TENM3: variants seen among roughly 807,000 people sequenced by gnomAD.
TENM3 encodes teneurin-3.
In TENM3, 63 loss-of-function variants were observed where a neutral mutation model predicts 255.1. That is an observed-to-expected ratio of 0.25 (90% confidence interval 0.20 to 0.30). The LOEUF is 0.30. TENM3 is among the 10% of genes least tolerant of loss of function. The pLI is 1.00. For missense variants in TENM3, 2,929 were observed against 3,461.1 expected (o/e 0.85, Z 3.86); for synonymous variants, 1,306 against 1,322.3 (o/e 0.99, Z 0.27).
intron 22 of TENM3, among the ~76,000 whole-genome samples, chr4:182,758,349 G>A (rs1762880814): frequency 1.3e-5 from 2 of 152,144 alleles, no homozygotes; most frequent in African/African-American, 4.8e-5. Flanking sequence ...AGGGTGGGGG[G>A]AGGTGTCATT....
the TENM3 span, among the ~76,000 whole-genome samples, chr4:181,849,949 T>TCTCTCTCTCTCTCTCTCTCTCTCTCA: frequency 4.5e-5 from 3 of 65,964 alleles, no homozygotes; most frequent in African/African-American, 1.3e-4. Context: ...TCTCTCTCTC[T>TCTCTCTCTCTCTCTCTCTCTCTCTCA]CACACACACA....
the TENM3 span, among the ~76,000 whole-genome samples, chr4:181,982,985 A>C: frequency 1.3e-5 from 2 of 152,150 alleles, no homozygotes; most frequent in African/African-American, 4.8e-5. Flanking sequence ...ATTTGTTAAC[A>C]GTCTTTATTT....
At chr4:182,332,656 T>C (rs957750780) in intron 2 of TENM3, among the ~76,000 whole-genome samples, 10 of 147,140 alleles carry the variant, frequency 6.8e-5, no homozygotes, top group African/African-American at 2.3e-4. Context: ...ATCACGCCAC[T>C]GCACTCAAGC....
chr4:182,556,148 C>A (rs564643768), intron 3 of TENM3, among the ~76,000 whole-genome samples: 1 of 152,244 alleles, frequency 6.6e-6, no homozygotes, highest in Non-Finnish European at 1.5e-5. Flanking sequence ...CAACAACCTC[C>A]CACCTTCCTA....
intron 3 of TENM3, among the ~76,000 whole-genome samples, chr4:182,374,650 T>C (rs1247533646): frequency 6.6e-6 from 1 of 152,190 alleles, no homozygotes; most frequent in Non-Finnish European, 1.5e-5. Context: ...TTCCATCCAA[T>C]TCAAACGATT....
intron 3 of TENM3, among the ~76,000 whole-genome samples, chr4:182,545,215 C>T (rs1741312085): frequency 6.6e-6 from 1 of 152,134 alleles, no homozygotes; most frequent in South Asian, 2.1e-4. Flanking sequence ...GTTAAGACAA[C>T]ATACCAGTGT....
the TENM3 span, among the ~76,000 whole-genome samples, chr4:181,752,086 C>G: frequency 2.6e-5 from 4 of 152,148 alleles, no homozygotes; most frequent in Non-Finnish European, 5.9e-5. Flanking sequence ...AGCCTGGACT[C>G]ACATTCCTAA....
chr4:182,620,865 GC>G (rs1181993376), intron 4 of TENM3, among the ~76,000 whole-genome samples: 1 of 151,882 alleles, frequency 6.6e-6, no homozygotes, highest in Non-Finnish European at 1.5e-5. Context: ...AGTAGCTGGG[GC>G]TACAGGTGCA....
At chr4:182,069,602 G>A in the TENM3 span, among the ~76,000 whole-genome samples, 3 of 152,018 alleles carry the variant, frequency 2.0e-5, no homozygotes, top group African/African-American at 7.3e-5. Flanking sequence ...CTGCAGGTGT[G>A]TTATACACCA....
At chr4:181,663,072 G>C in the TENM3 span, among the ~76,000 whole-genome samples, 4 of 152,120 alleles carry the variant, frequency 2.6e-5, no homozygotes, top group Non-Finnish European at 5.9e-5. Context: ...TGTTATACTG[G>C]ACCAATTTCT....
chr4:181,864,900 A>G, the TENM3 span, among the ~76,000 whole-genome samples: 1 of 152,204 alleles, frequency 6.6e-6, no homozygotes, highest in African/African-American at 2.4e-5. Flanking sequence ...GTCTTTCATT[A>G]CTTGTTCTCC....
chr4:182,149,297 C>T (rs1750172058), intron 1 of TENM3, among the ~76,000 whole-genome samples: 2 of 151,928 alleles, frequency 1.3e-5, no homozygotes, highest in South Asian at 4.1e-4. Flanking sequence ...AATGCAGAAA[C>T]ATGCCCTGAG....
At chr4:181,974,690 G>A in the TENM3 span, among the ~76,000 whole-genome samples, 1 of 152,172 alleles carries the variant, frequency 6.6e-6, no homozygotes, top group Non-Finnish European at 1.5e-5. Flanking sequence ...GCTATGTAAA[G>A]GCTTTGGCTT....
At chr4:182,539,949 T>C (rs1489975379) in intron 3 of TENM3, among the ~76,000 whole-genome samples, 1 of 152,214 alleles carries the variant, frequency 6.6e-6, no homozygotes, top group Non-Finnish European at 1.5e-5. Flanking sequence ...ACAGGGACCT[T>C]AGTGTCCTTA....
the TENM3 span, among the ~76,000 whole-genome samples, chr4:181,965,673 T>C: frequency 1.3e-5 from 2 of 152,214 alleles, no homozygotes; most frequent in Admixed American, 6.5e-5. Flanking sequence ...TACAATTAGT[T>C]TGTTTAAGTC....
chr4:182,436,919 T>C (rs1172917543), intron 3 of TENM3, among the ~76,000 whole-genome samples: 1 of 151,652 alleles, frequency 6.6e-6, no homozygotes, highest in African/African-American at 2.4e-5. Flanking sequence ...TAGGGAGTAC[T>C]AGGGAGGCTG....
At chr4:181,998,467 C>T in the TENM3 span, among the ~76,000 whole-genome samples, 186 of 152,300 alleles carry the variant, frequency 1.2e-3, 1 homozygote, top group African/African-American at 4.2e-3. Context: ...TTCCCCCGTA[C>T]CCTAGCCAGG....
chr4:182,020,335 C>CAG, the TENM3 span, among the ~76,000 whole-genome samples: 1 of 151,906 alleles, frequency 6.6e-6, no homozygotes, highest in Non-Finnish European at 1.5e-5. Context: ...CATTGCACTC[C>CAG]AGCCTGGGCA....
At chr4:181,931,497 T>C in the TENM3 span, among the ~76,000 whole-genome samples, 2 of 152,102 alleles carry the variant, frequency 1.3e-5, no homozygotes, top group African/African-American at 4.8e-5. Flanking sequence ...TACAAACCAC[T>C]ACTCAAGGAA....
Sources: gnomAD v4.1 joint callset for allele counts (sites outside exome capture counted in the v4.1 genomes callset) on GRCh38, gnomAD v4.1.1 for gene constraint, MANE v1.5 for transcripts, NCBI Gene and HGNC (gene_info 2026-07-23, HGNC 2026-07-21) for gene names.